Variants in CCDC73 observed in about 807,000 individuals in gnomAD.
The protein encoded by CCDC73 is coiled-coil domain-containing protein 73.
A neutral mutation model predicts 116.5 loss-of-function variants in CCDC73; 95 were observed. That is an observed-to-expected ratio of 0.82 (90% CI 0.69 to 0.97). The LOEUF (loss-of-function observed/expected upper bound fraction) is 0.97. Ranked by LOEUF, CCDC73 falls within the 50% of genes least tolerant of loss-of-function variation. The pLI, the probability that CCDC73 is intolerant of heterozygous loss-of-function variation, is 0.00. For missense variants in CCDC73, 1,066 were observed against 1,206.8 expected, an observed-to-expected ratio of 0.88 and a Z score of 1.73; for synonymous variants, 398 against 401.3, an observed-to-expected ratio of 0.99 and a Z score of 0.10.
In CCDC73 at chr11:32,742,664, A is replaced by G. The variant is rs146741663; in HGVS notation, c.135+17445T>C. ...TGCAGAAGTTCTTTAGTTTAATTAG[A>G]TCCCATTTGTCAATGTTGGCTTTTG... On this transcript the variant is annotated intron_variant, in intron 2 of 17. Coordinates refer to ENST00000335185, the MANE Select transcript of CCDC73 (RefSeq NM_001008391.4). Among the ~76,000 whole-genome samples the G allele has an allele frequency of 4.4e-3, 663 of 152,254 alleles. 11 individuals are homozygous for G. The highest frequency in any genetic ancestry group is 0.015 in the African/African-American group (627 of 41,532).
Position 32,613,858 on chromosome 11 carries a change from T to C in CCDC73, c.2460A>G (p.Glu820=). The C allele has an allele frequency of 1.2e-6, 2 of 1,613,654 alleles. No individual in the cohort carries two copies. Among genetic ancestry groups the C allele is most frequent in the Non-Finnish European group, 1.7e-6 (2 of 1,179,956 alleles). The change falls in exon 16 of 18, where the codon GAA becomes GAG. Residue 820 remains glutamate (E), a synonymous_variant. Transcript: ENST00000335185. ...AAAGGAAGAGGTCATTTTTTGTGGCTTCAGTTACCTGATTCTCATCAATCT... is the reference window on the plus strand; with the variant it reads ...AAAGGAAGAGGTCATTTTTTGTGGCCTCAGTTACCTGATTCTCATCAATCT... The part of the protein sequence containing the change: ...KNQIDENQVT[E]ATKNDLFLFV...
At chr11:32,626,558 G>A (rs1055620428) in intron 14 of CCDC73, among the ~76,000 whole-genome samples, 4 of 152,256 alleles carry the variant, frequency 2.6e-5, no homozygotes, top group South Asian at 2.1e-4. Flanking sequence ...GAGGCATCAC[G>A]CTACCTGACT....
chr11:32,617,093 G>A (rs968652184), intron 14 of CCDC73, among the ~76,000 whole-genome samples: 3 of 152,152 alleles, frequency 2.0e-5, no homozygotes, highest in African/African-American at 7.2e-5. Context: ...GATTTCGTTT[G>A]GCTAGAGCTT....
intron 5 of CCDC73, among the ~76,000 whole-genome samples, chr11:32,699,573 C>T (rs1849790942): frequency 6.6e-6 from 1 of 152,102 alleles, no homozygotes. Context: ...GAGTTCATGT[C>T]CTTTGTAGGG....
the CCDC73 span, among the ~76,000 whole-genome samples, chr11:32,805,018 A>C: frequency 2.0e-5 from 3 of 152,188 alleles, no homozygotes; most frequent in Non-Finnish European, 2.9e-5. Context: ...AAACCACCTT[A>C]AGAGAACAGA....
chr11:32,791,991 T>TACAC (rs66955881), intron 1 of CCDC73, among the ~76,000 whole-genome samples: 56 of 145,130 alleles, frequency 3.9e-4, no homozygotes, highest in African/African-American at 8.4e-4. Flanking sequence ...CACACACACA[T>TACAC]ACACACACAC....
chr11:32,635,589 C>T (rs944063500), intron 14 of CCDC73, 107 bp downstream of exon 14: 8 of 1,031,672 alleles, frequency 7.8e-6, no homozygotes, highest in Non-Finnish European at 9.8e-6. Flanking sequence ...TGCATATACT[C>T]ATTTTTTTAA....
At chr11:32,761,536 T>C (rs1023227524) in intron 1 of CCDC73, among the ~76,000 whole-genome samples, 1 of 152,190 alleles carries the variant, frequency 6.6e-6, no homozygotes, top group Non-Finnish European at 1.5e-5. Flanking sequence ...AGAGTGGCTG[T>C]ACCATTTTCC....
chr11:32,827,629 T>A, the CCDC73 span, among the ~76,000 whole-genome samples: 1 of 152,192 alleles, frequency 6.6e-6, no homozygotes, highest in African/African-American at 2.4e-5. Flanking sequence ...GAAGCACTTT[T>A]CCTACCTGAA....
Position 32,653,235 on chromosome 11 carries a change from A to G in CCDC73, c.835-8T>C, listed in dbSNP as rs754815394. ...GAAAGAAATGATGATATCCTTTGAA[A>G]ATACACAAATATATCAATTTAAAAG... On this transcript the variant is annotated splice_region_variant and splice_polypyrimidine_tract_variant and intron_variant, in intron 11 of 17. Transcript: ENST00000335185. 9.7e-6 allele frequency: 15 copies of G among 1,544,856 alleles called. No homozygotes were observed. In the South Asian group the frequency reaches 1.4e-4, roughly 14 times the overall value.
the CCDC73 span, among the ~76,000 whole-genome samples, chr11:32,813,557 C>A: frequency 5.9e-5 from 9 of 152,140 alleles, no homozygotes; most frequent in African/African-American, 2.2e-4. Flanking sequence ...TGTGCTTTGG[C>A]CTACATGAAG....
In CCDC73 at chr11:32,760,165, G is replaced by T. The variant is rs769891574; in HGVS notation, c.79C>A (p.Leu27Ile). Reference sequence around the variant, plus strand: ...AGTAAACTTGTTTTGAAATCTAATAGCTGAATAGAAAACAATGTCTCTGAA... The same window carrying T: ...AGTAAACTTGTTTTGAAATCTAATATCTGAATAGAAAACAATGTCTCTGAA... ...SSSETLFSIQ[L>I]LDFKTSLLEA... Residue 27 changes from leucine (L) to isoleucine (I), a missense_variant, in exon 2 of 18, where the codon CTA (leucine) becomes ATA (isoleucine). Coordinates refer to ENST00000335185, the MANE Select transcript of CCDC73 (RefSeq NM_001008391.4). 6.2e-7 allele frequency: 1 copy of T among 1,602,698 alleles called. No individual in the cohort carries two copies. Among genetic ancestry groups the T allele is most frequent in the Admixed American group, 1.7e-5 (1 of 59,030 alleles).
chr11:32,830,296 C>A, the CCDC73 span: 1 of 860,654 alleles, frequency 1.2e-6, no homozygotes, highest in Non-Finnish European at 1.6e-6. Context: ...GCCCGATCAG[C>A]CCTCGGCAGG....
chr11:32,736,272 G>A (rs967794505), intron 2 of CCDC73, among the ~76,000 whole-genome samples: 10 of 152,182 alleles, frequency 6.6e-5, no homozygotes, highest in Non-Finnish European at 1.3e-4. Flanking sequence ...CTGACAAAGG[G>A]CTAATATCCA....
At chr11:32,753,883 A>T (rs1850309332) in intron 2 of CCDC73, among the ~76,000 whole-genome samples, 1 of 152,174 alleles carries the variant, frequency 6.6e-6, no homozygotes, top group African/African-American at 2.4e-5. Context: ...AAGTGCTAGG[A>T]TTACAGGTGT....
At chr11:32,776,759 C>T (rs1022030062) in intron 1 of CCDC73, among the ~76,000 whole-genome samples, 1 of 151,456 alleles carries the variant, frequency 6.6e-6, no homozygotes, top group East Asian at 1.9e-4. Flanking sequence ...AAGGCAAGAA[C>T]TGTTTTACTC....
At chr11:32,666,373 T>C (rs1855981550) in intron 9 of CCDC73, among the ~76,000 whole-genome samples, 2 of 152,200 alleles carry the variant, frequency 1.3e-5, no homozygotes, top group South Asian at 4.1e-4. Flanking sequence ...TTACTCTTTT[T>C]CCCTAAACTT....
intron 6 of CCDC73, among the ~76,000 whole-genome samples, chr11:32,689,893 G>A (rs1268583052): frequency 1.3e-5 from 2 of 152,100 alleles, no homozygotes; most frequent in African/African-American, 4.8e-5. Flanking sequence ...TGCTCAGGAG[G>A]CCGAGGCAGG....
intron 7 of CCDC73, chr11:32,679,923 G>T (rs1856128584): frequency 6.6e-6 from 1 of 152,050 alleles, no homozygotes; most frequent in South Asian, 2.1e-4. Context: ...AACATTCTTT[G>T]GGGCAAAAAT....
Sources: allele counts gnomAD v4.1 joint callset (sites outside exome capture counted in the v4.1 genomes callset), GRCh38; gene constraint gnomAD v4.1.1; transcripts MANE v1.5; gene names NCBI Gene and HGNC (gene_info 2026-07-23, HGNC 2026-07-21).